ZSCAN5A: variants seen among roughly 807,000 people sequenced by gnomAD.
ZSCAN5A encodes zinc finger and SCAN domain-containing protein 5A.
In ZSCAN5A, 12 loss-of-function variants were observed where a neutral mutation model predicts 23.7. That is an observed-to-expected ratio of 0.51 (90% CI 0.32 to 0.82). The LOEUF (loss-of-function observed/expected upper bound fraction) is 0.82. Ranked by LOEUF, ZSCAN5A falls within the 40% of genes least tolerant of loss-of-function variation. ZSCAN5A has a pLI of 0.03. For synonymous variants in ZSCAN5A, 257 were observed against 239.9 expected (o/e 1.07, Z -0.66); for missense variants, 597 against 617.9 (o/e 0.97, Z 0.36).
At chr19:56,249,096 T>C (rs1042518004) in intron 2 of ZSCAN5A, among the ~76,000 whole-genome samples, 27 of 152,152 alleles carry the variant, frequency 1.8e-4, no homozygotes, top group Admixed American at 3.9e-4. Flanking sequence ...AACTTCTAAA[T>C]TCCTGATTTG....
chr19:56,247,106 C>G (rs754637201), intron 2 of ZSCAN5A: 1 of 701,442 alleles, frequency 1.4e-6, no homozygotes, highest in Non-Finnish European at 2.6e-6. Flanking sequence ...TCCAAGCTAG[C>G]CATCCACATG....
intron 2 of ZSCAN5A, chr19:56,322,317 A>G: frequency 1.1e-6 from 1 of 894,136 alleles, no homozygotes; most frequent in South Asian, 1.3e-5. Flanking sequence ...GCCATTTCTT[A>G]GCCTGAGGAC....
chr19:56,353,869 G>C (rs956551701), intron 2 of ZSCAN5A, among the ~76,000 whole-genome samples: 17 of 152,278 alleles, frequency 1.1e-4, no homozygotes, highest in African/African-American at 3.9e-4. Flanking sequence ...GCATCCAACA[G>C]CCCAAAGGTG....
chr19:56,248,381 C>T (rs190537362), intron 2 of ZSCAN5A, among the ~76,000 whole-genome samples: 37 of 152,186 alleles, frequency 2.4e-4, no homozygotes, highest in South Asian at 6.2e-4. Context: ...CCGTCTTGGC[C>T]GCCGGAGTAG....
intron 1 of ZSCAN5A, among the ~76,000 whole-genome samples, chr19:56,313,786 T>A (rs2041193962): frequency 6.6e-6 from 1 of 152,182 alleles, no homozygotes; most frequent in Non-Finnish European, 1.5e-5. Flanking sequence ...ATGGGAGTGC[T>A]CTTAAATTTG....
intron 2 of ZSCAN5A, among the ~76,000 whole-genome samples, chr19:56,227,980 C>A (rs917018989): frequency 1.3e-5 from 2 of 151,970 alleles, no homozygotes; most frequent in African/African-American, 2.4e-5. Flanking sequence ...ATCGCTTGAG[C>A]CCAGGAATTC....
chr19:56,302,734 C>T, intron 2 of ZSCAN5A: 1 of 311,364 alleles, frequency 3.2e-6, no homozygotes, highest in Non-Finnish European at 5.8e-6. Flanking sequence ...CACCTCTAGA[C>T]TGGGATAAAA....
intron 2 of ZSCAN5A, among the ~76,000 whole-genome samples, chr19:56,241,698 T>C (rs930888904): frequency 1.3e-5 from 2 of 152,174 alleles, no homozygotes; most frequent in Non-Finnish European, 2.9e-5. Context: ...TCTCTCCAAC[T>C]GAAATTTGTA....
intron 2 of ZSCAN5A, chr19:56,286,766 G>C (rs1486930461): frequency 6.6e-6 from 1 of 152,218 alleles, no homozygotes; most frequent in Non-Finnish European, 1.5e-5. Flanking sequence ...GGTACCCAAG[G>C]AGTTCAAGCT....
chr19:56,326,337 G>GTA (rs71184351), intron 2 of ZSCAN5A, among the ~76,000 whole-genome samples: 2 of 150,284 alleles, frequency 1.3e-5, no homozygotes, highest in African/African-American at 4.9e-5. Flanking sequence ...GTGTGTGTGT[G>GTA]GTGAGAACAT....
chr19:56,288,241 C>T (rs558959905), intron 2 of ZSCAN5A, among the ~76,000 whole-genome samples: 25 of 152,316 alleles, frequency 1.6e-4, no homozygotes, highest in African/African-American at 6.0e-4. Context: ...CCATCATGCC[C>T]CTGAGGTGGG....
At chr19:56,264,270 A>G (rs2037318882) in intron 2 of ZSCAN5A, among the ~76,000 whole-genome samples, 1 of 152,206 alleles carries the variant, frequency 6.6e-6, no homozygotes, top group African/African-American at 2.4e-5. Context: ...TTGGGATTAC[A>G]GGCATGAGCC....
Position 56,302,618 on chromosome 19 carries a change from C to T in ZSCAN5A, c.-128+10665G>A, listed in dbSNP as rs1600236736. On this transcript the variant is annotated intron_variant, in intron 2 of 5. Coordinates refer to ENST00000683990, the MANE Select transcript of ZSCAN5A (RefSeq NM_001322064.3). ...TCTCCCTCTTCTTCCTCTCCCTCTTCCTCCCTCCCTCCTCCTCCCTTCCTT... is the reference window on the plus strand; with the variant it reads ...TCTCCCTCTTCTTCCTCTCCCTCTTTCTCCCTCCCTCCTCCTCCCTTCCTT... Among the ~76,000 whole-genome samples, 5 of 127,858 alleles carry T rather than the reference C, an allele frequency of 3.9e-5. No homozygotes were observed. In the South Asian group the frequency reaches 1.4e-3, roughly 37 times the overall value. 83.9% of individuals were successfully genotyped at this position (127,858 alleles called of 152,430 possible). A position where few individuals can be genotyped will look rare whatever the true frequency, so the allele number is the denominator to read the frequency against.
chr19:56,257,430 A>T (rs907411813), intron 2 of ZSCAN5A, among the ~76,000 whole-genome samples: 1 of 152,184 alleles, frequency 6.6e-6, no homozygotes, highest in Admixed American at 6.5e-5. Context: ...GTGTCCCTGC[A>T]GTACTAAACA....
intron 2 of ZSCAN5A, among the ~76,000 whole-genome samples, chr19:56,311,088 G>A (rs2041005925): frequency 6.6e-6 from 1 of 152,054 alleles, no homozygotes; most frequent in African/African-American, 2.4e-5. Context: ...TATAAGACCA[G>A]GGGGTTTCGT....
intron 2 of ZSCAN5A, among the ~76,000 whole-genome samples, chr19:56,233,317 C>T (rs1248821746): frequency 6.6e-6 from 1 of 152,046 alleles, no homozygotes; most frequent in Non-Finnish European, 1.5e-5. Flanking sequence ...TTCATTTAGT[C>T]CAAACATCAT....
At chr19:56,285,094 G>A in intron 2 of ZSCAN5A, 2 of 806,274 alleles carry the variant, frequency 2.5e-6, no homozygotes, top group East Asian at 1.3e-4. Flanking sequence ...GACTTATTGA[G>A]TCATTTATGC....
intron 2 of ZSCAN5A, among the ~76,000 whole-genome samples, chr19:56,305,308 T>C (rs77654020): frequency 0.016 from 2,377 of 152,342 alleles, 63 homozygotes; most frequent in African/African-American, 0.055. Context: ...TCACCTACTC[T>C]GGTCATTTCA....
At chr19:56,258,610 G>A (rs1351268088) in intron 2 of ZSCAN5A, among the ~76,000 whole-genome samples, 1 of 151,756 alleles carries the variant, frequency 6.6e-6, no homozygotes, top group Non-Finnish European at 1.5e-5. Flanking sequence ...AGTGTGGGGG[G>A]TGACCGACAC....
Sources: allele counts gnomAD v4.1 joint callset (sites outside exome capture counted in the v4.1 genomes callset), GRCh38; gene constraint gnomAD v4.1.1; transcripts MANE v1.5; gene names NCBI Gene and HGNC (gene_info 2026-07-23, HGNC 2026-07-21).